Variants in WDR36 observed in about 807,000 individuals in gnomAD.
The protein encoded by WDR36 is WD repeat domain 36.
In WDR36, 63 loss-of-function variants were observed where a neutral mutation model predicts 112.7. That is an observed-to-expected ratio of 0.56 (90% CI 0.46 to 0.69). The LOEUF (loss-of-function observed/expected upper bound fraction) is 0.69. WDR36 is among the 30% of genes least tolerant of loss of function. The probability of loss-of-function intolerance (pLI) is 0.00; values close to 1 mark genes in which losing one functional copy is unlikely to be tolerated. For missense variants in WDR36, 1,226 were observed against 1,070.3 expected (o/e 1.15, Z -2.03); for synonymous variants, 410 against 362.2 (o/e 1.13, Z -1.50).
chr5:111,109,526 T>G (rs1434110574), intron 12 of WDR36, among the ~76,000 whole-genome samples: 1 of 151,360 alleles, frequency 6.6e-6, no homozygotes, highest in African/African-American at 2.4e-5. Context: ...TATCTCTTGG[T>G]GGATGACATC....
intron 16 of WDR36, among the ~76,000 whole-genome samples, chr5:111,114,844 AT>A (rs201673294): frequency 0.032 from 4,838 of 152,224 alleles, 103 homozygotes; most frequent in Non-Finnish European, 0.046. Flanking sequence ...TGCCTTTTTC[AT>A]TTTCCTGTTT....
intron 19 of WDR36, among the ~76,000 whole-genome samples, chr5:111,122,285 G>A (rs43203): frequency 0.094 from 14,316 of 152,160 alleles, 904 homozygotes; most frequent in East Asian, 0.37. Flanking sequence ...TAATTGAGCA[G>A]AGTTTTGGGG....
chr5:111,120,743 A>T, intron 18 of WDR36, 150 bp downstream of exon 18: 1 of 780,338 alleles, frequency 1.3e-6, no homozygotes, highest in Non-Finnish European at 2.2e-6. Context: ...GAATTTATGC[A>T]AAAATATAAT....
At chr5:111,119,194 G>A in intron 17 of WDR36, 74 bp downstream of exon 17, 1 of 1,187,032 alleles carries the variant, frequency 8.4e-7, no homozygotes, top group Non-Finnish European at 1.3e-6. Flanking sequence ...TGCTAAAATT[G>A]TCATTTAGGC....
chr5:111,120,389 A>G, intron 17 of WDR36, 107 bp from the exon 18 acceptor site: 4 of 881,838 alleles, frequency 4.5e-6, no homozygotes, highest in Non-Finnish European at 5.5e-6. Context: ...TCTTTGAGGT[A>G]TTTTTTAACT....
rs1390935347 is a variant in WDR36, at chr5:111,123,897, A to G, written c.2241A>G (p.Ala747=). Residue 747 remains alanine (A), a synonymous_variant, in exon 20 of 23, where the codon GCA becomes GCG. Coordinates refer to ENST00000513710, the MANE Select transcript of WDR36 (RefSeq NM_139281.3). ...TIPGLVPRYA[A]PEQNNDPQQS... is the part of the protein sequence containing the mutation. The stretch of plus-strand genomic sequence containing the variant: ...CTGGCCTTGTACCCAGATATGCTGC[A>G]CCTGAACAAAATAATGATCCCCAGC... The G allele has an allele frequency of 1.9e-6, 3 of 1,613,676 alleles. No individual in the cohort carries two copies. Among genetic ancestry groups the G allele is most frequent in the Non-Finnish European group, 2.5e-6 (3 of 1,179,896 alleles).
chr5:111,092,471 A>G lies in WDR36; in HGVS notation c.15A>G (p.Ser5=), dbSNP rs752807997. Residue 5 remains serine, a synonymous_variant, in exon 1 of 23, where the codon TCA becomes TCG. Coordinates refer to ENST00000513710, the MANE Select transcript of WDR36 (RefSeq NM_139281.3). MERA[S]ERRTASALFA... The stretch of plus-strand genomic sequence containing the variant: ...TCGCGGCGGCAATGGAACGGGCCTC[A>G]GAAAGGCGCACGGCCAGCGCGCTTT... 6.2e-7 allele frequency: 1 copy of G among 1,614,248 alleles called. No homozygotes were observed. Among genetic ancestry groups the G allele is most frequent in the Non-Finnish European group, 8.5e-7 (1 of 1,180,046 alleles).
At chr5:111,118,046 A>C (rs1753492087) in intron 16 of WDR36, among the ~76,000 whole-genome samples, 1 of 152,132 alleles carries the variant, frequency 6.6e-6, no homozygotes, top group Admixed American at 6.5e-5. Flanking sequence ...CTGCATTCTG[A>C]TGGCAAGTTT....
chr5:111,121,315 G>C (rs893387936), intron 19 of WDR36, among the ~76,000 whole-genome samples, 174 bp downstream of exon 19: 10 of 152,018 alleles, frequency 6.6e-5, no homozygotes, highest in African/African-American at 2.4e-4. Flanking sequence ...ATTATCACAA[G>C]ATATTCATAT....
At position 111,104,801 on chromosome 5, in the gene WDR36, G is replaced by C; in HGVS notation, c.1011G>C (p.Gln337His). ...TNIRYYGQNG[Q>H]QILSASQDGT... is the part of the protein sequence containing the mutation. ...TCAGATATTATGGACAGAATGGACA[G>C]CAGATTCTAAGTGCAAGTGAGCTTC... is the stretch of plus-strand genomic sequence containing the variant. The change falls in exon 9 of 23, where the codon CAG becomes CAC. Residue 337 changes from glutamine (Q) to histidine (H), a missense_variant. Transcript: ENST00000513710. The C allele has an allele frequency of 6.2e-7, 1 of 1,611,102 alleles. No homozygotes were observed. Among genetic ancestry groups the C allele is most frequent in the Non-Finnish European group, 8.5e-7 (1 of 1,177,720 alleles).
chr5:111,106,530 C>A (rs765933061), intron 11 of WDR36, among the ~76,000 whole-genome samples: 14 of 151,332 alleles, frequency 9.3e-5, no homozygotes, highest in Non-Finnish European at 1.8e-4. Flanking sequence ...GTCATTTGAC[C>A]TGTGCCACTT....
chr5:111,125,728 T>C lies in WDR36; in HGVS notation c.2471T>C (p.Ile824Thr), dbSNP rs574528484. ...IEVMQSFLKM[I>T]GMMLDRKRDF... is the part of the protein sequence containing the mutation. ...GTTATGCAGAGCTTCTTGAAAATGA[T>C]TGGGATGATGCTGGACAGAAAGCGT... The change falls in exon 22 of 23, where the codon ATT becomes ACT. Residue 824 changes from isoleucine (I) to threonine (T), a missense_variant. Ile to Thr is a moderately conservative substitution (Grantham distance 89). Transcript: ENST00000513710. 54 of 1,613,934 alleles carry C rather than the reference T, an allele frequency of 3.3e-5. No individual in the cohort carries two copies. Among genetic ancestry groups the C allele is most frequent in the East Asian group, 4.5e-5 (2 of 44,860 alleles).
At position 111,128,035 on chromosome 5, in the gene WDR36, G is replaced by A. The variant is rs1369813989; in HGVS notation, c.*1152G>A. The A allele has an allele frequency of 5.0e-6, 1 of 200,212 alleles. No homozygotes were observed. The highest frequency in any genetic ancestry group is 1.0e-5 in the Non-Finnish European group (1 of 97,456). The allele number at this position is 200,212 out of a possible 1,614,324, so 12.4% of individuals were successfully genotyped here. A position where few individuals can be genotyped will look rare whatever the true frequency, so the allele number is the denominator to read the frequency against. Reference sequence around the variant, plus strand: ...ACCATTGCAAACCCAGGTAGCCCTGGAGTTTTCTTTTTTTCTCATCATCAT... The same window carrying A: ...ACCATTGCAAACCCAGGTAGCCCTGAAGTTTTCTTTTTTTCTCATCATCAT... On this transcript the variant is annotated 3_prime_UTR_variant, in exon 23 of 23. Coordinates refer to ENST00000513710, the MANE Select transcript of WDR36 (RefSeq NM_139281.3).
At chr5:111,106,996 T>C (rs1753234065) in intron 11 of WDR36, among the ~76,000 whole-genome samples, 1 of 151,484 alleles carries the variant, frequency 6.6e-6, no homozygotes, top group Non-Finnish European at 1.5e-5. Context: ...TCATACTTTA[T>C]TGTAATTTCT....
intron 16 of WDR36, 104 bp downstream of exon 16, chr5:111,113,257 T>G: frequency 1.6e-6 from 1 of 618,506 alleles, no homozygotes; most frequent in Non-Finnish European, 2.9e-6. Context: ...TTTTTCAATG[T>G]GACTATATTT....
chr5:111,110,570 A>G (rs1450097590), intron 13 of WDR36, among the ~76,000 whole-genome samples: 1 of 151,540 alleles, frequency 6.6e-6, no homozygotes, highest in Non-Finnish European at 1.5e-5. Context: ...CAAACTTTTC[A>G]AACCTATGTT....
At position 111,125,758 on chromosome 5, in the gene WDR36, T is replaced by C. The variant is rs932698589; in HGVS notation, c.2501T>C (p.Phe834Ser). ...IGMMLDRKRDFELAQAYLALF... is the reference protein window; with the variant it reads ...IGMMLDRKRDSELAQAYLALF... ...ATGATGCTGGACAGAAAGCGTGATTTTGAGTTAGCCCAGGCATACCTTGCA... is the reference window on the plus strand; with the variant it reads ...ATGATGCTGGACAGAAAGCGTGATTCTGAGTTAGCCCAGGCATACCTTGCA... Residue 834 changes from phenylalanine (F) to serine (S), a missense_variant, in exon 22 of 23, where the codon TTT becomes TCT. Transcript: ENST00000513710. 1.9e-6 allele frequency: 3 copies of C among 1,613,766 alleles called. No individual in the cohort carries two copies.
At chr5:111,096,533 G>A (rs1027316805) in intron 2 of WDR36, among the ~76,000 whole-genome samples, 1 of 151,992 alleles carries the variant, frequency 6.6e-6, no homozygotes, top group African/African-American at 2.4e-5. Context: ...GCAAAACCCT[G>A]TCTCTTCTAA....
chr5:111,113,137 G>C lies in WDR36; in HGVS notation c.1780G>C (p.Asp594His). Residue 594 changes from aspartate to histidine, a missense_variant, in exon 16 of 23, where the codon GAC (aspartate) becomes CAC (histidine). Asp to His is a moderately conservative substitution (Grantham distance 81). Transcript: ENST00000513710. ...GATGGATTGCTCTATTAGGACTTGG[G>C]ACCTTCCTTCTGGGTGGTAAGTTTA... is the stretch of plus-strand genomic sequence containing the variant. ...AAMDCSIRTW[D>H]LPSGCLIDCF... The C allele has an allele frequency of 6.3e-7, 1 of 1,589,128 alleles. No individual in the cohort carries two copies. Among genetic ancestry groups the C allele is most frequent in the Non-Finnish European group, 8.6e-7 (1 of 1,164,700 alleles).
Sources: allele counts gnomAD v4.1 joint callset (sites outside exome capture counted in the v4.1 genomes callset), GRCh38; gene constraint gnomAD v4.1.1; transcripts MANE v1.5; gene names NCBI Gene and HGNC (gene_info 2026-07-23, HGNC 2026-07-21).